HOMER2: variants seen among roughly 807,000 people sequenced by gnomAD.
The protein encoded by HOMER2 is homer protein homolog 2.
HOMER2 carries 27 observed loss-of-function variants against 47.0 expected under a neutral mutation model. The observed-to-expected ratio is 0.57, with a 90% confidence interval of 0.42 to 0.79. HOMER2 has a LOEUF of 0.79. Among genes scored for constraint, HOMER2 ranks in the 30% least tolerant of loss-of-function variants. The pLI is 0.00. For missense variants in HOMER2, 443 were observed against 435.0 expected (o/e 1.02, Z -0.16); for synonymous variants, 161 against 163.8 (o/e 0.98, Z 0.13).
chr15:82,962,525 A>C (rs951852652), intron 1 of HOMER2, among the ~76,000 whole-genome samples: 2 of 151,902 alleles, frequency 1.3e-5, no homozygotes, highest in African/African-American at 4.8e-5. Flanking sequence ...AAAAATATAA[A>C]AATTAGCCGG....
exon 2 of HOMER2, chr15:82,840,748 A>C (rs1428627498): frequency 6.6e-6 from 1 of 152,152 alleles, no homozygotes; most frequent in Non-Finnish European, 1.5e-5. Flanking sequence ...GAAAATTTAA[A>C]TTGCCAAAAA....
chr15:82,878,865 C>G (rs1352443787), intron 2 of HOMER2, among the ~76,000 whole-genome samples: 1 of 152,176 alleles, frequency 6.6e-6, no homozygotes, highest in African/African-American at 2.4e-5. Context: ...TGGGCTCAAC[C>G]AATCCATCTG....
chr15:82,983,246 G>A (rs2030456814), intron 1 of HOMER2, among the ~76,000 whole-genome samples: 1 of 152,180 alleles, frequency 6.6e-6, no homozygotes, highest in Non-Finnish European at 1.5e-5. Flanking sequence ...AAAGTACCCT[G>A]CCACTGAATG....
chr15:82,952,485 C>T, intron 1 of HOMER2, 46 bp downstream of exon 1: 1 of 1,166,138 alleles, frequency 8.6e-7, no homozygotes, highest in Admixed American at 4.5e-5. Context: ...GCCCCGCAGT[C>T]CCTCCGGAGG....
chr15:82,882,509 C>G (rs1439399964), intron 2 of HOMER2, among the ~76,000 whole-genome samples: 1 of 152,240 alleles, frequency 6.6e-6, no homozygotes, highest in Non-Finnish European at 1.5e-5. Flanking sequence ...AGTTTTCCCA[C>G]CCACTCATGT....
chr15:82,837,310 C>T (rs898984138), exon 2 of HOMER2: 1 of 152,232 alleles, frequency 6.6e-6, no homozygotes, highest in African/African-American at 2.4e-5. Context: ...GTAACATAGC[C>T]ACAGGTTCCA....
exon 2 of HOMER2, chr15:82,843,474 A>T (rs2051198978): frequency 8.4e-6 from 1 of 118,532 alleles, no homozygotes; most frequent in African/African-American, 3.3e-5. Flanking sequence ...AAAAAAAAAG[A>T]ATTGGAAAGA....
At chr15:82,932,495 T>C (rs1210193606) in intron 1 of HOMER2, among the ~76,000 whole-genome samples, 1 of 147,846 alleles carries the variant, frequency 6.8e-6, no homozygotes, top group Non-Finnish European at 1.5e-5. Flanking sequence ...AGCAAGACTC[T>C]GTCTCAAAAA....
At chr15:82,971,077 G>A (rs537774010) in intron 1 of HOMER2, among the ~76,000 whole-genome samples, 1 of 152,326 alleles carries the variant, frequency 6.6e-6, no homozygotes, top group African/African-American at 2.4e-5. Flanking sequence ...TCAAAGGGAA[G>A]ATGTATTCCT....
At chr15:82,915,142 TG>T (rs2053553301) in intron 1 of HOMER2, among the ~76,000 whole-genome samples, 1 of 142,712 alleles carries the variant, frequency 7.0e-6, no homozygotes, top group Non-Finnish European at 1.5e-5. Context: ...TTTTTTTAAT[TG>T]AAAAAAAAAA....
intron 5 of HOMER2, 22 bp downstream of exon 5, chr15:82,859,007 C>A: frequency 1.2e-6 from 2 of 1,605,278 alleles, no homozygotes; most frequent in South Asian, 1.1e-5. Flanking sequence ...AAAATAGAAT[C>A]TGGACTTTAA....
At chr15:82,851,621 T>C (rs1157057553) in intron 7 of HOMER2, among the ~76,000 whole-genome samples, 1 of 152,102 alleles carries the variant, frequency 6.6e-6, no homozygotes, top group African/African-American at 2.4e-5. Context: ...CGCCGGGAGC[T>C]GGGCTGCGGT....
chr15:82,916,368 G>C (rs556681284), intron 1 of HOMER2, among the ~76,000 whole-genome samples: 42 of 152,300 alleles, frequency 2.8e-4, no homozygotes, highest in African/African-American at 8.4e-4. Flanking sequence ...AAACAAGACA[G>C]CCATGGCCTC....
At chr15:82,919,405 G>A (rs191348426) in intron 1 of HOMER2, among the ~76,000 whole-genome samples, 49 of 152,298 alleles carry the variant, frequency 3.2e-4, no homozygotes, top group African/African-American at 1.1e-3. Context: ...GCCCAGTGAG[G>A]GAGAGTCATT....
At chr15:82,934,520 A>G (rs2054096036) in intron 1 of HOMER2, among the ~76,000 whole-genome samples, 1 of 151,638 alleles carries the variant, frequency 6.6e-6, no homozygotes, top group African/African-American at 2.4e-5. Context: ...CCGCACATGC[A>G]TTTCCCATCT....
At chr15:82,985,472 A>G (rs941533442) in intron 1 of HOMER2, 7 of 152,262 alleles carry the variant, frequency 4.6e-5, no homozygotes, top group Non-Finnish European at 1.0e-4. Flanking sequence ...AGATGCAAGA[A>G]TTACTGTAGG....
chr15:82,845,443 A>G (rs941393536), downstream of HOMER2: 6 of 152,244 alleles, frequency 3.9e-5, no homozygotes, highest in African/African-American at 1.2e-4. Context: ...GTCCCTCTCC[A>G]TGCCAAAACC....
intron 1 of HOMER2, among the ~76,000 whole-genome samples, chr15:82,940,687 A>T (rs2054245931): frequency 6.6e-6 from 1 of 151,932 alleles, no homozygotes; most frequent in South Asian, 2.1e-4. Context: ...GCTTGCAGTG[A>T]GCTGAGATGC....
At chr15:82,881,480 AGTT>A (rs964325686) in intron 2 of HOMER2, among the ~76,000 whole-genome samples, 40 of 152,390 alleles carry the variant, frequency 2.6e-4, no homozygotes, top group African/African-American at 9.4e-4. Context: ...CTCCAAGAGT[AGTT>A]ATTAACAGGT....
Sources: gnomAD v4.1 joint callset for allele counts (sites outside exome capture counted in the v4.1 genomes callset) on GRCh38, gnomAD v4.1.1 for gene constraint, MANE v1.5 for transcripts, NCBI Gene and HGNC (gene_info 2026-07-23, HGNC 2026-07-21) for gene names.